The following TENM2 variants were observed in gnomAD, a reference collection of about 807,000 sequenced individuals.
TENM2 encodes teneurin transmembrane protein 2.
A neutral mutation model predicts 245.2 loss-of-function variants in TENM2; 52 were observed. The ratio of observed to expected loss-of-function variants is 0.21; its 90% CI spans 0.17 to 0.27. The LOEUF (loss-of-function observed/expected upper bound fraction) is 0.27. Among genes scored for constraint, TENM2 ranks in the 10% least tolerant of loss-of-function variants. The pLI, the probability that TENM2 is intolerant of heterozygous loss-of-function variation, is 1.00. For synonymous variants in TENM2, 1,363 were observed against 1,438.9 expected (o/e 0.95, Z 1.19); for missense variants, 3,046 against 3,666.8 (o/e 0.83, Z 4.37).
chr5:168,047,665 C>A (rs762350264), intron 6 of TENM2, 116 bp downstream of exon 8: 1 of 1,275,940 alleles, frequency 7.8e-7, no homozygotes, highest in Non-Finnish European at 1.1e-6. Flanking sequence ...GAAAAAGAAA[C>A]GGGGGGAAAA....
At chr5:167,337,074 G>A (rs1184674348) in intron 1 of TENM2, among the ~76,000 whole-genome samples, 4 of 133,902 alleles carry the variant, frequency 3.0e-5, no homozygotes, top group African/African-American at 1.2e-4. Flanking sequence ...CCGAGATTGC[G>A]CCACTGCAGT....
At chr5:167,991,694 T>A (rs1422481219) in intron 4 of TENM2, among the ~76,000 whole-genome samples, 1 of 152,238 alleles carries the variant, frequency 6.6e-6, no homozygotes, top group East Asian at 1.9e-4. Context: ...GGACACCTTA[T>A]TCAATTGATA....
At chr5:168,069,610 A>G (rs1790807323) in intron 7 of TENM2, among the ~76,000 whole-genome samples, 1 of 152,160 alleles carries the variant, frequency 6.6e-6, no homozygotes, top group South Asian at 2.1e-4. Context: ...TCACAACACC[A>G]TATGAGCTAG....
chr5:167,654,707 A>G (rs575477810), intron 2 of TENM2, among the ~76,000 whole-genome samples: 1 of 152,258 alleles, frequency 6.6e-6, no homozygotes, highest in African/African-American at 2.4e-5. Context: ...TCCCAGCAAG[A>G]AGACAAACTA....
intron 1 of TENM2, among the ~76,000 whole-genome samples, chr5:167,353,949 T>C (rs753753172): frequency 3.9e-5 from 6 of 152,176 alleles, no homozygotes; most frequent in Non-Finnish European, 7.3e-5. Flanking sequence ...CCCATGCATA[T>C]TGTAAAATAA....
At chr5:167,118,293 A>G in the TENM2 span, among the ~76,000 whole-genome samples, 1 of 152,182 alleles carries the variant, frequency 6.6e-6, no homozygotes, top group African/African-American at 2.4e-5. Flanking sequence ...AAACTCAACA[A>G]TCTTTCTCTT....
At chr5:167,070,040 T>C in the TENM2 span, among the ~76,000 whole-genome samples, 3 of 152,116 alleles carry the variant, frequency 2.0e-5, no homozygotes, top group Non-Finnish European at 4.4e-5. Context: ...CGTGTGCCAT[T>C]TGTTATTGAA....
chr5:167,800,339 A>G (rs1031604790), intron 2 of TENM2, among the ~76,000 whole-genome samples: 2 of 152,150 alleles, frequency 1.3e-5, no homozygotes, highest in African/African-American at 4.8e-5. Flanking sequence ...GACAAGCTTC[A>G]TGATGTCGTT....
At chr5:168,025,575 G>A (rs1786538305) in intron 5 of TENM2, among the ~76,000 whole-genome samples, 1 of 152,182 alleles carries the variant, frequency 6.6e-6, no homozygotes, top group South Asian at 2.1e-4. Context: ...TTAGGTTTAT[G>A]TGGCTACATT....
intron 5 of TENM2, among the ~76,000 whole-genome samples, chr5:168,003,828 A>G (rs1436454253): frequency 1.3e-5 from 2 of 152,222 alleles, no homozygotes; most frequent in African/African-American, 4.8e-5. Flanking sequence ...ACTCTTGCCT[A>G]ATAGACGAGA....
At chr5:167,103,467 A>G in the TENM2 span, among the ~76,000 whole-genome samples, 2 of 152,194 alleles carry the variant, frequency 1.3e-5, no homozygotes, top group African/African-American at 4.8e-5. Context: ...TCAAATATTG[A>G]TCACAGAGCA....
intron 12 of TENM2, among the ~76,000 whole-genome samples, chr5:168,146,201 GAACTTCC>G (rs1430883155): frequency 6.6e-6 from 1 of 151,960 alleles, no homozygotes; most frequent in African/African-American, 2.4e-5. Flanking sequence ...GCCCTGGCCA[GAACTTCC>G]AACTTCCAAC....
intron 9 of TENM2, among the ~76,000 whole-genome samples, chr5:168,117,162 C>T (rs1408289565): frequency 1.3e-5 from 2 of 152,192 alleles, no homozygotes; most frequent in African/African-American, 4.8e-5. Flanking sequence ...GTAATCTCCT[C>T]CCAGACAATC....
At chr5:167,174,367 G>A in the TENM2 span, among the ~76,000 whole-genome samples, 89 of 152,154 alleles carry the variant, frequency 5.8e-4, no homozygotes, top group African/African-American at 2.1e-3. Flanking sequence ...CTCTTATGTG[G>A]CAGATTTGTT....
rs369970172 is a variant in TENM2 at position 167,555,778 on chromosome 5, G to A, written c.502+180305G>A. On this transcript the variant is annotated intron_variant, in intron 2 of 28. Transcript: ENST00000518659. ...CACAGCCAATTTCAATCTGACTGTCGGTCGTAGCAACTAAATTCTGGGCCT... is the reference window on the plus strand; with the variant it reads ...CACAGCCAATTTCAATCTGACTGTCAGTCGTAGCAACTAAATTCTGGGCCT... 2.1e-3 allele frequency among the ~76,000 whole-genome samples: 320 copies of A among 152,172 alleles called. 12 individuals are homozygous for A. In the South Asian group the frequency reaches 0.063, roughly 30 times the overall value.
chr5:167,340,079 G>A (rs535917476), intron 1 of TENM2, among the ~76,000 whole-genome samples: 7 of 152,292 alleles, frequency 4.6e-5, no homozygotes, highest in Admixed American at 2.6e-4. Flanking sequence ...TGCATCACTT[G>A]TAAGTTCTAC....
chr5:167,995,192 C>G (rs1377629001), intron 5 of TENM2, among the ~76,000 whole-genome samples: 1 of 152,132 alleles, frequency 6.6e-6, no homozygotes, highest in Non-Finnish European at 1.5e-5. Context: ...TGGCTCCTGC[C>G]TGATTTATGG....
chr5:167,875,127 G>A (rs1773308930), intron 2 of TENM2, among the ~76,000 whole-genome samples: 1 of 152,228 alleles, frequency 6.6e-6, no homozygotes, highest in African/African-American at 2.4e-5. Context: ...TGCATTCAAA[G>A]AGTAGTAAGG....
chr5:167,910,230 C>T (rs1776441917), intron 3 of TENM2, among the ~76,000 whole-genome samples: 1 of 152,132 alleles, frequency 6.6e-6, no homozygotes, highest in Non-Finnish European at 1.5e-5. Context: ...CTCTTTCCCA[C>T]TGGGAACAGA....
Sources: allele counts gnomAD v4.1 joint callset (sites outside exome capture counted in the v4.1 genomes callset), GRCh38; gene constraint gnomAD v4.1.1; transcripts MANE v1.5; gene names NCBI Gene and HGNC (gene_info 2026-07-23, HGNC 2026-07-21).